The following CYP7A1 variants were observed in gnomAD, a reference collection of about 807,000 sequenced individuals.
The protein encoded by CYP7A1 is cytochrome P450 7A1.
Under a neutral mutation model 43.8 loss-of-function variants are expected in CYP7A1, and 28 were observed. That is an observed-to-expected ratio of 0.64 (90% CI 0.47 to 0.88). The LOEUF (loss-of-function observed/expected upper bound fraction) is 0.88. CYP7A1 is among the 40% of genes least tolerant of loss of function. The probability of loss-of-function intolerance (pLI) is 0.00; values close to 1 mark genes in which losing one functional copy is unlikely to be tolerated. For missense variants in CYP7A1, 637 were observed against 611.9 expected, an observed-to-expected ratio of 1.04 and a Z score of -0.43; for synonymous variants, 227 against 222.5, an observed-to-expected ratio of 1.02 and a Z score of -0.18.
At chr8:58,494,031 A>T (rs1365922855) in intron 4 of CYP7A1, among the ~76,000 whole-genome samples, 1 of 152,172 alleles carries the variant, frequency 6.6e-6, no homozygotes, top group African/African-American at 2.4e-5. Flanking sequence ...TAAAAATATC[A>T]TATTGTTATA....
intron 5 of CYP7A1, 26 bp from the exon 6 acceptor site, chr8:58,491,800 G>A (rs369317772): frequency 2.6e-5 from 41 of 1,591,454 alleles, no homozygotes; most frequent in African/African-American, 8.1e-5. Context: ...AAAGAAAACC[G>A]CCTTTAAGCT....
Position 58,500,154 on chromosome 8 carries a change from G to T in CYP7A1, c.-56C>A. 7.3e-7 allele frequency: 1 copy of T among 1,364,556 alleles called. No individual in the cohort carries two copies. The highest frequency in any genetic ancestry group is 1.0e-6 in the Non-Finnish European group (1 of 953,200). The allele number at this position is 1,364,556 out of a possible 1,614,324, so 84.5% of individuals were successfully genotyped here. A position where few individuals can be genotyped will look rare whatever the true frequency, so the allele number is the denominator to read the frequency against. ...AGAAAATCTCTGATTAGAAAGGGAA[G>T]GATGCCACTGAAAAGAGACTCAAGC... is the stretch of plus-strand genomic sequence containing the variant. On this transcript the variant is annotated 5_prime_UTR_variant, in exon 1 of 6. Coordinates refer to ENST00000301645, the MANE Select transcript of CYP7A1 (RefSeq NM_000780.4).
Position 58,491,352 on chromosome 8 carries a change from C to A in CYP7A1, c.*123G>T. 3.2e-6 allele frequency: 3 copies of A among 931,514 alleles called. No individual in the cohort carries two copies. Among genetic ancestry groups the A allele is most frequent in the South Asian group, 1.4e-5 (1 of 69,284 alleles). 57.7% of individuals were successfully genotyped at this position (931,514 alleles called of 1,614,324 possible). A position where few individuals can be genotyped will look rare whatever the true frequency, so the allele number is the denominator to read the frequency against. ...AGATTCACAAGCAAGCACTGGTGAACAACATTGGACCTGGTGAATCATTTC... is the reference window on the plus strand; with the variant it reads ...AGATTCACAAGCAAGCACTGGTGAAAAACATTGGACCTGGTGAATCATTTC... On this transcript the variant is annotated 3_prime_UTR_variant, in exon 6 of 6. Transcript: ENST00000301645.
chr8:58,494,796 G>T (rs1431564984), intron 3 of CYP7A1, among the ~76,000 whole-genome samples, 160 bp from the exon 4 acceptor site: 1 of 152,180 alleles, frequency 6.6e-6, no homozygotes, highest in African/African-American at 2.4e-5. Flanking sequence ...TACTCCATTT[G>T]TAATTGGGTT....
chr8:58,495,215 T>TTTTTTTTATTTATTTATTTA (rs1554558470), intron 3 of CYP7A1, among the ~76,000 whole-genome samples: 1 of 143,404 alleles, frequency 7.0e-6, no homozygotes, highest in African/African-American at 2.6e-5. Flanking sequence ...TTTATTTTAT[T>TTTTTTTTATTTATTTATTTA]TTTATTTATT....
intron 3 of CYP7A1, among the ~76,000 whole-genome samples, chr8:58,495,215 T>TTATTTATTTATTTA (rs369276545): frequency 2.8e-5 from 4 of 143,404 alleles, no homozygotes; most frequent in African/African-American, 1.1e-4. Context: ...TTTATTTTAT[T>TTATTTATTTATTTA]TTTATTTATT....
At position 58,491,529 on chromosome 8, in the gene CYP7A1, G is replaced by A; in HGVS notation, c.1461C>T (p.Gly487=). ...CAATATCATTCAATGGCGGCAAAAT[G>A]CCCAAGCCTGCCCGGGACTGGTCCA... ...PPLDQSRAGL[G]ILPPLNDIEF... The change falls in exon 6 of 6, where the codon GGC becomes GGT. Residue 487 remains glycine, a synonymous_variant. Transcript: ENST00000301645. 2 of 1,614,150 alleles carry A rather than the reference G, an allele frequency of 1.2e-6. No homozygotes were observed. Among genetic ancestry groups the A allele is most frequent in the East Asian group, 2.2e-5 (1 of 44,880 alleles).
chr8:58,493,079 T>C (rs1216729873), intron 4 of CYP7A1, among the ~76,000 whole-genome samples: 4 of 152,206 alleles, frequency 2.6e-5, no homozygotes, highest in African/African-American at 7.2e-5. Flanking sequence ...CCTGAATGTA[T>C]CTTTAAATCT....
At chr8:58,491,870 T>A in intron 5 of CYP7A1, 96 bp from the exon 6 acceptor site, 1 of 1,028,018 alleles carries the variant, frequency 9.7e-7, no homozygotes, top group Non-Finnish European at 1.5e-6. Flanking sequence ...ATTTTCTTTT[T>A]AATTCTACCC....
intron 5 of CYP7A1, among the ~76,000 whole-genome samples, 181 bp from the exon 6 acceptor site, chr8:58,491,955 C>G (rs539904740): frequency 2.6e-5 from 4 of 152,212 alleles, no homozygotes; most frequent in Middle Eastern, 6.8e-3. Context: ...GCTAAGGAAG[C>G]CTTGTGATAC....
chr8:58,493,256 A>G (rs182707968), intron 4 of CYP7A1, among the ~76,000 whole-genome samples: 27 of 152,338 alleles, frequency 1.8e-4, no homozygotes, highest in Admixed American at 7.8e-4. Context: ...GATTTAATAT[A>G]CTGAGGACTT....
At chr8:58,495,177 A>G (rs1002500178) in intron 3 of CYP7A1, among the ~76,000 whole-genome samples, 3 of 145,600 alleles carry the variant, frequency 2.1e-5, no homozygotes, top group Admixed American at 7.1e-5. Context: ...GGACTTTGCT[A>G]CATAAAAGTT....
rs1265969053 is a variant in CYP7A1, at chr8:58,491,624, G to C, written c.1366C>G (p.Gln456Glu). The change falls in exon 6 of 6, where the codon CAA (glutamine) becomes GAA (glutamate). Residue 456 changes from glutamine (Q) to glutamate (E), a missense_variant. Coordinates refer to ENST00000301645, the MANE Select transcript of CYP7A1 (RefSeq NM_000780.4). ...TAAGAAAGCATCAGAATCAAAAATT[G>C]CTTGATTTCGTGGATAGCGAACAAT... ...GRLFAIHEIKQFLILMLSYFE... is the reference protein window; with the variant it reads ...GRLFAIHEIKEFLILMLSYFE... 2.5e-6 allele frequency: 4 copies of C among 1,614,052 alleles called. No individual in the cohort carries two copies. Among genetic ancestry groups the C allele is most frequent in the Admixed American group, 1.7e-5 (1 of 60,002 alleles).
At chr8:58,493,124 A>T (rs1203030370) in intron 4 of CYP7A1, among the ~76,000 whole-genome samples, 2 of 152,174 alleles carry the variant, frequency 1.3e-5, no homozygotes, top group Non-Finnish European at 1.5e-5. Context: ...TGATTAAGAG[A>T]TAATCATCTT....
rs1282082517 is a variant in CYP7A1 at position 58,494,566 on chromosome 8, T to G, written c.979A>C (p.Ser327Arg). 6.2e-7 allele frequency: 1 copy of G among 1,613,998 alleles called. No individual in the cohort carries two copies. Among genetic ancestry groups the G allele is most frequent in the Non-Finnish European group, 8.5e-7 (1 of 1,179,986 alleles). ...AAACAAATAGGATTGCCTTCCAAGC[T>G]GACTTTTTGACCAGCATTCTCTAAT... Reference protein sequence around the residue: ...RTLENAGQKVSLEGNPICLSQ... With the variant: ...RTLENAGQKVRLEGNPICLSQ... Residue 327 changes from serine (S) to arginine (R), a missense_variant, in exon 4 of 6, where the codon AGC becomes CGC. Ser to Arg is a moderately radical substitution (Grantham distance 110). Transcript: ENST00000301645.
At position 58,491,754 on chromosome 8, in the gene CYP7A1, A is replaced by T. The variant is rs777507940; in HGVS notation, c.1236T>A (p.Tyr412Ter). 1.2e-6 allele frequency: 2 copies of T among 1,613,616 alleles called. No individual in the cohort carries two copies. Among genetic ancestry groups the T allele is most frequent in the Non-Finnish European group, 1.7e-6 (2 of 1,179,582 alleles). ...PDPLTFKYDR[Y>*]LDENGKTKTT... ...TCTTTGTCTTCCCGTTTTCATCAAG[A>T]TACCTATCATATTTAAAAGTCTGCA... The change falls in exon 6 of 6, where the codon TAT becomes TAA. Residue 412 changes from tyrosine to a stop codon, truncating the protein, a stop_gained. Transcript: ENST00000301645. LOFTEE classifies it high-confidence loss of function.
chr8:58,498,600 G>GTTCGCC (rs1809485096), intron 1 of CYP7A1, 131 bp from the exon 2 acceptor site: 3 of 913,802 alleles, frequency 3.3e-6, no homozygotes, highest in Non-Finnish European at 5.2e-6. Flanking sequence ...TCTTTTGTTG[G>GTTCGCC]ATGGGCCCTG....
At position 58,498,425 on chromosome 8, in the gene CYP7A1, A is replaced by C; in HGVS notation, c.125T>G (p.Leu42Arg). 6.2e-7 allele frequency: 1 copy of C among 1,614,150 alleles called. No individual in the cohort carries two copies. Among genetic ancestry groups the C allele is most frequent in the Non-Finnish European group, 8.5e-7 (1 of 1,179,986 alleles). Reference protein sequence around the residue: ...PPLENGLIPYLGCALQFGANP... With the variant: ...PPLENGLIPYRGCALQFGANP... ...GGCACCAAATTGCAGAGCACAGCCC[A>C]GGTATGGAATTAATCCATTCTCTAG... is the stretch of plus-strand genomic sequence containing the variant. The change falls in exon 2 of 6, where the codon CTG becomes CGG. Residue 42 changes from leucine (L) to arginine (R), a missense_variant. Physicochemically the swap from Leu to Arg is moderately radical, Grantham distance 102. Coordinates refer to ENST00000301645, the MANE Select transcript of CYP7A1 (RefSeq NM_000780.4).
intron 3 of CYP7A1, among the ~76,000 whole-genome samples, chr8:58,495,491 G>A (rs1352583349): frequency 6.6e-6 from 1 of 152,162 alleles, no homozygotes; most frequent in Non-Finnish European, 1.5e-5. Flanking sequence ...GCCTCCCAAA[G>A]TTCTGGGATT....
Sources: allele counts gnomAD v4.1 joint callset (sites outside exome capture counted in the v4.1 genomes callset), GRCh38; gene constraint gnomAD v4.1.1; transcripts MANE v1.5; gene names NCBI Gene and HGNC (gene_info 2026-07-23, HGNC 2026-07-21).